Variants in TNKS observed in about 807,000 individuals in gnomAD.
TNKS encodes the protein tankyrase.
A neutral mutation model predicts 135.8 loss-of-function variants in TNKS; 72 were observed. That is an observed-to-expected ratio of 0.53 (90% CI 0.44 to 0.64). TNKS has a LOEUF of 0.64. TNKS is among the 30% of genes least tolerant of loss of function. The pLI is 0.00. For synonymous variants in TNKS, 849 were observed against 649.3 expected, an observed-to-expected ratio of 1.31 and a Z score of -4.68; for missense variants, 1,769 against 1,674.0, an observed-to-expected ratio of 1.06 and a Z score of -0.99.
chr8:9,774,864 T>C (rs1585460260), intron 26 of TNKS, among the ~76,000 whole-genome samples: 1 of 152,298 alleles, frequency 6.6e-6, no homozygotes, highest in Non-Finnish European at 1.5e-5. Context: ...TAAAATGTCA[T>C]AGAAAGTATT....
rs563919074 is a variant in TNKS, at chr8:9,601,436, C to T, written c.899-14146C>T. ...ATCATCATTGTTTGTATTGCCTCTTCTAGTTCCTTGGCCAAACTTTTTAAG... is the reference window on the plus strand; with the variant it reads ...ATCATCATTGTTTGTATTGCCTCTTTTAGTTCCTTGGCCAAACTTTTTAAG... On this transcript the variant is annotated intron_variant, in intron 2 of 26. Coordinates refer to ENST00000310430, the MANE Select transcript of TNKS (RefSeq NM_003747.3). 3.9e-5 allele frequency among the ~76,000 whole-genome samples: 6 copies of T among 152,312 alleles called. No homozygotes were observed. In the South Asian group the frequency reaches 1.2e-3, roughly 32 times the overall value.
At position 9,722,982 on chromosome 8, in the gene TNKS, TC is replaced by T. The variant is rs1467274049; in HGVS notation, c.1921+2438del. Among the ~76,000 whole-genome samples, 12 of 152,152 alleles carry T rather than the reference TC, an allele frequency of 7.9e-5. No individual in the cohort carries two copies. The East Asian group carries it at 1.5e-3, about 20-fold the overall frequency. On this transcript the variant is annotated intron_variant, in intron 12 of 26. Coordinates refer to ENST00000310430, the MANE Select transcript of TNKS (RefSeq NM_003747.3). ...ATACTGAATACAAATGAAATATTTT[TC>T]TTCGATTATTTTGATAAATCTCCTT...
At chr8:9,590,525 GCCT>G (rs1798551378) in intron 2 of TNKS, among the ~76,000 whole-genome samples, 1 of 152,134 alleles carries the variant, frequency 6.6e-6, no homozygotes, top group African/African-American at 2.4e-5. Context: ...CCAACTTTGT[GCCT>G]TAATATAAAC....
intron 11 of TNKS, among the ~76,000 whole-genome samples, chr8:9,711,142 C>G (rs972703935): frequency 6.6e-6 from 1 of 152,030 alleles, no homozygotes. Flanking sequence ...TATAGACTCC[C>G]TATGGAGCAT....
At chr8:9,657,575 A>G (rs1585287719) in intron 3 of TNKS, among the ~76,000 whole-genome samples, 8 of 67,124 alleles carry the variant, frequency 1.2e-4, no homozygotes, top group East Asian at 5.9e-4. Context: ...CTCACCTCCC[A>G]GACGGGGCGG....
At chr8:9,609,679 A>T (rs915081852) in intron 2 of TNKS, among the ~76,000 whole-genome samples, 17 of 151,986 alleles carry the variant, frequency 1.1e-4, no homozygotes, top group Admixed American at 7.2e-4. Flanking sequence ...ATGATTTTAG[A>T]AGTTGTGTTT....
chr8:9,735,386 A>G lies in TNKS; in HGVS notation c.2543A>G (p.Asn848Ser). The change falls in exon 17 of 27, where the codon AAT becomes AGT. Residue 848 changes from asparagine to serine, a missense_variant. Coordinates refer to ENST00000310430, the MANE Select transcript of TNKS (RefSeq NM_003747.3). ...STPLHLAAGY[N>S]NLEVAEYLLE... ...TTTTTACTCTAAATAGCAGGCTATA[A>G]TAACCTGGAAGTAGCTGAATATCTT... The G allele has an allele frequency of 6.2e-7, 1 of 1,614,048 alleles. No homozygotes were observed. The highest frequency in any genetic ancestry group is 8.5e-7 in the Non-Finnish European group (1 of 1,179,942).
intron 2 of TNKS, among the ~76,000 whole-genome samples, chr8:9,605,763 G>T (rs1421036792): frequency 6.6e-6 from 1 of 151,960 alleles, no homozygotes; most frequent in Non-Finnish European, 1.5e-5. Context: ...AAATGCCCTA[G>T]TCTCTTGCTC....
intron 3 of TNKS, among the ~76,000 whole-genome samples, chr8:9,662,742 T>A (rs1801783300): frequency 6.6e-6 from 1 of 152,118 alleles, no homozygotes; most frequent in Non-Finnish European, 1.5e-5. Context: ...ACCTAAAGTA[T>A]AATAATAATA....
intron 3 of TNKS, among the ~76,000 whole-genome samples, chr8:9,661,119 G>A (rs1801689468): frequency 6.6e-6 from 1 of 151,974 alleles, no homozygotes; most frequent in South Asian, 2.1e-4. Context: ...CCATGCTCAT[G>A]GGTAGGAAGA....
At chr8:9,752,268 A>G (rs1806585138) in intron 19 of TNKS, among the ~76,000 whole-genome samples, 2 of 152,058 alleles carry the variant, frequency 1.3e-5, no homozygotes, top group Admixed American at 1.3e-4. Flanking sequence ...AATATTCTCT[A>G]TATTTTTATA....
chr8:9,636,324 C>G (rs1375214119), intron 3 of TNKS, among the ~76,000 whole-genome samples: 1 of 152,116 alleles, frequency 6.6e-6, no homozygotes, highest in Non-Finnish European at 1.5e-5. Context: ...AAAAGGAAAA[C>G]TGATTGATGT....
chr8:9,604,076 A>G (rs1333164081), intron 2 of TNKS, among the ~76,000 whole-genome samples: 2 of 152,168 alleles, frequency 1.3e-5, no homozygotes, highest in East Asian at 3.8e-4. Context: ...ATTTATATCA[A>G]AGAGTTTTGA....
chr8:9,669,188 G>A (rs1284454427), intron 3 of TNKS, among the ~76,000 whole-genome samples: 1 of 151,928 alleles, frequency 6.6e-6, no homozygotes, highest in Middle Eastern at 3.2e-3. Context: ...GGAGGCCGAG[G>A]CGGGTGGATC....
At chr8:9,770,469 A>G (rs1216392497) in intron 26 of TNKS, among the ~76,000 whole-genome samples, 1 of 152,256 alleles carries the variant, frequency 6.6e-6, no homozygotes, top group Non-Finnish European at 1.5e-5. Context: ...TCAGCCACAT[A>G]ACACAGTGTG....
intron 2 of TNKS, among the ~76,000 whole-genome samples, chr8:9,612,932 A>G (rs1398270271): frequency 6.6e-6 from 1 of 152,238 alleles, no homozygotes; most frequent in Non-Finnish European, 1.5e-5. Context: ...TAAGGAAGAT[A>G]AAATGTATTT....
intron 3 of TNKS, chr8:9,658,448 G>A (rs906100035): frequency 1.8e-6 from 2 of 1,095,758 alleles, no homozygotes; most frequent in Non-Finnish European, 1.2e-6. Context: ...GCCAAGAAAA[G>A]AATTTTCAAC....
chr8:9,710,328 G>A, intron 11 of TNKS, 108 bp downstream of exon 11: 1 of 994,874 alleles, frequency 1.0e-6, no homozygotes, highest in South Asian at 1.4e-5. Context: ...TTTTATAAAG[G>A]ACTATTAGTT....
chr8:9,581,623 C>CTGCTGTAACTGCTTCTTGCTTCACCTTGT (rs1434835318), intron 2 of TNKS, among the ~76,000 whole-genome samples: 3 of 152,214 alleles, frequency 2.0e-5, no homozygotes, highest in Non-Finnish European at 4.4e-5. Context: ...TTCATCTTCT[C>CTGCTGTAACTGCTTCTTGCTTCACCTTGT]TGCTGTAACT....
Sources: allele counts gnomAD v4.1 joint callset (sites outside exome capture counted in the v4.1 genomes callset), GRCh38; gene constraint gnomAD v4.1.1; transcripts MANE v1.5; gene names NCBI Gene and HGNC (gene_info 2026-07-23, HGNC 2026-07-21).